Variants in RAB31 observed in about 807,000 individuals in gnomAD.
RAB31 encodes the protein ras-related protein Rab-31.
Under a neutral mutation model 25.6 loss-of-function variants are expected in RAB31, and 21 were observed. The observed-to-expected ratio is 0.82, with a 90% CI of 0.58 to 1.18. RAB31 has a LOEUF of 1.18. Among genes scored for constraint, RAB31 ranks in the 50% most tolerant of loss-of-function variants. The pLI, the probability that RAB31 is intolerant of heterozygous loss-of-function variation, is 0.00. For synonymous variants in RAB31, 87 were observed against 84.0 expected, an observed-to-expected ratio of 1.04 and a Z score of -0.20; for missense variants, 196 against 250.1, an observed-to-expected ratio of 0.78 and a Z score of 1.46.
At chr18:9,844,589 C>A (rs569519394) in intron 5 of RAB31, 1 of 152,400 alleles carries the variant, frequency 6.6e-6, no homozygotes, top group African/African-American at 2.4e-5. Context: ...TGTTCTAAAG[C>A]ACAGGTGCCA....
At chr18:9,835,511 C>T (rs1484272109) in intron 5 of RAB31, among the ~76,000 whole-genome samples, 4 of 152,144 alleles carry the variant, frequency 2.6e-5, no homozygotes, top group Admixed American at 2.0e-4. Context: ...AAATCTGTGG[C>T]GAGAACCTGA....
intron 5 of RAB31, among the ~76,000 whole-genome samples, chr18:9,832,468 C>T (rs140556353): frequency 7.9e-5 from 12 of 152,210 alleles, no homozygotes; most frequent in African/African-American, 1.7e-4. Context: ...CAGCACAGAC[C>T]GTCAGCAACC....
intron 1 of RAB31, among the ~76,000 whole-genome samples, chr18:9,769,576 G>A (rs917310723): frequency 6.6e-6 from 1 of 152,192 alleles, no homozygotes; most frequent in African/African-American, 2.4e-5. Flanking sequence ...ATCAGCTTAA[G>A]GAGATTTTTG....
intron 5 of RAB31, among the ~76,000 whole-genome samples, chr18:9,825,368 G>A (rs956838264): frequency 5.9e-5 from 9 of 152,178 alleles, no homozygotes; most frequent in African/African-American, 2.2e-4. Flanking sequence ...GAGCCCTACA[G>A]GACGCTGCAT....
chr18:9,759,302 C>G (rs2068275713), intron 1 of RAB31, among the ~76,000 whole-genome samples: 1 of 152,060 alleles, frequency 6.6e-6, no homozygotes, highest in Non-Finnish European at 1.5e-5. Flanking sequence ...TCCCATGTAC[C>G]TTGGACACCA....
At chr18:9,797,700 A>G (rs529323780) in intron 3 of RAB31, among the ~76,000 whole-genome samples, 3 of 152,316 alleles carry the variant, frequency 2.0e-5, no homozygotes, top group East Asian at 1.9e-4. Flanking sequence ...TATTTCCACT[A>G]TGGATATTAG....
At chr18:9,824,310 A>G (rs1007442160) in intron 5 of RAB31, among the ~76,000 whole-genome samples, 3 of 125,274 alleles carry the variant, frequency 2.4e-5, no homozygotes, top group African/African-American at 5.8e-5. Flanking sequence ...GTAGATGTGT[A>G]TGTGTGTGTA....
chr18:9,779,915 C>T (rs754590632), intron 2 of RAB31, among the ~76,000 whole-genome samples: 5 of 152,172 alleles, frequency 3.3e-5, no homozygotes, highest in Admixed American at 2.0e-4. Context: ...TGGCTCCTGC[C>T]TATAATCCCA....
intron 5 of RAB31, among the ~76,000 whole-genome samples, chr18:9,839,752 G>C (rs777336725): frequency 6.6e-6 from 1 of 152,112 alleles, no homozygotes. Flanking sequence ...TGTGGCCCCC[G>C]AGCCTGTAAC....
chr18:9,714,710 T>C (rs984902983), intron 1 of RAB31, among the ~76,000 whole-genome samples: 9 of 152,258 alleles, frequency 5.9e-5, no homozygotes, highest in Non-Finnish European at 7.3e-5. Context: ...CATTCAGCCA[T>C]TCACCATTTG....
At chr18:9,852,899 C>T (rs147528431) in intron 6 of RAB31, among the ~76,000 whole-genome samples, 7 of 152,230 alleles carry the variant, frequency 4.6e-5, no homozygotes, top group South Asian at 2.1e-4. Context: ...CGCTTGGTAC[C>T]GTCGGTTTGT....
At chr18:9,754,927 G>A (rs909629176) in intron 1 of RAB31, among the ~76,000 whole-genome samples, 10 of 152,146 alleles carry the variant, frequency 6.6e-5, no homozygotes, top group Admixed American at 2.0e-4. Context: ...TTGTCTCTCT[G>A]GCACTTGTCA....
intron 3 of RAB31, 60 bp downstream of exon 3, chr18:9,792,295 A>T (rs1436623063): frequency 1.3e-6 from 2 of 1,551,628 alleles, no homozygotes; most frequent in Admixed American, 1.9e-5. Context: ...TCAGTTTCTG[A>T]AGGTTTGTTT....
intron 1 of RAB31, among the ~76,000 whole-genome samples, chr18:9,737,591 C>T (rs1253251439): frequency 2.0e-5 from 3 of 152,182 alleles, no homozygotes; most frequent in Admixed American, 2.0e-4. Context: ...TCCTCCTCTC[C>T]TGCGGCTCTT....
Position 9,843,883 on chromosome 18 carries a change from A to G in RAB31, c.381-1699A>G, listed in dbSNP as rs2068747233. On this transcript the variant is annotated intron_variant, in intron 5 of 6. Transcript: ENST00000578921. ...TAGGACTGAAGGGTCTTCCCCGCAT[A>G]TGGTTTGAGTCCCATAGGAATTTGA... Among the ~76,000 whole-genome samples, 3 of 151,628 alleles carry G rather than the reference A, an allele frequency of 2.0e-5. No individual in the cohort carries two copies. The South Asian group carries it at 6.3e-4, about 32-fold the overall frequency.
intron 1 of RAB31, among the ~76,000 whole-genome samples, chr18:9,749,353 G>A (rs2068222256): frequency 8.0e-6 from 1 of 124,290 alleles, no homozygotes; most frequent in African/African-American, 3.0e-5. Context: ...GGGAACAGAG[G>A]GAACAGAGGG....
At chr18:9,774,313 T>G (rs988532681) in intron 1 of RAB31, among the ~76,000 whole-genome samples, 2 of 152,112 alleles carry the variant, frequency 1.3e-5, no homozygotes, top group African/African-American at 4.8e-5. Context: ...CAAGCCCAGC[T>G]CCGTCCGATG....
chr18:9,712,635 T>A (rs76619491), intron 1 of RAB31, among the ~76,000 whole-genome samples: 4 of 152,088 alleles, frequency 2.6e-5, no homozygotes, highest in African/African-American at 7.2e-5. Flanking sequence ...CACATCACCA[T>A]GTGGCAAGAA....
Position 9,733,946 on chromosome 18 carries a change from G to T in RAB31, c.39+25502G>T, listed in dbSNP as rs1189527204. On this transcript the variant is annotated intron_variant, in intron 1 of 6. Coordinates refer to ENST00000578921, the MANE Select transcript of RAB31 (RefSeq NM_006868.4). ...AAAATAAGTGAATTTTGCTGGCATG[G>T]GTCAAATTCCTCCCAACTGAAAAGA... Among the ~76,000 whole-genome samples, 3 of 151,804 alleles carry T rather than the reference G, an allele frequency of 2.0e-5. No homozygotes were observed. In the South Asian group the frequency reaches 6.2e-4, roughly 32 times the overall value.
Sources: allele counts gnomAD v4.1 joint callset (sites outside exome capture counted in the v4.1 genomes callset), GRCh38; gene constraint gnomAD v4.1.1; transcripts MANE v1.5; gene names NCBI Gene and HGNC (gene_info 2026-07-23, HGNC 2026-07-21).